BLTP3A: variants seen among roughly 807,000 people sequenced by gnomAD.
The protein encoded by BLTP3A is bridge-like lipid transfer protein family member 3A.
chr6:34,845,887 G>A, the BLTP3A span, among the ~76,000 whole-genome samples: 9 of 151,702 alleles, frequency 5.9e-5, no homozygotes, highest in African/African-American at 1.5e-4. Flanking sequence ...GTGAGCCACC[G>A]CGCCCGGCCT....
chr6:34,795,480 C>T, the BLTP3A span, among the ~76,000 whole-genome samples: 1 of 151,818 alleles, frequency 6.6e-6, no homozygotes, highest in African/African-American at 2.4e-5. Flanking sequence ...TCACTGCAAC[C>T]TCTGCCTCCT....
At chr6:34,872,208 C>A in the BLTP3A span, 5 of 1,333,586 alleles carry the variant, frequency 3.7e-6, no homozygotes, top group South Asian at 5.8e-5. Context: ...ATTGACATAA[C>A]TTGTGGATTT....
chr6:34,804,673 T>A, the BLTP3A span, among the ~76,000 whole-genome samples: 3 of 152,188 alleles, frequency 2.0e-5, no homozygotes, highest in Admixed American at 6.5e-5. Context: ...CATGGAGGCC[T>A]TTTGTACTAT....
chr6:34,795,708 A>G, the BLTP3A span, among the ~76,000 whole-genome samples: 1 of 152,126 alleles, frequency 6.6e-6, no homozygotes, highest in Non-Finnish European at 1.5e-5. Context: ...GCCTGAACAT[A>G]TAATTTTTAA....
At chr6:34,840,200 C>T in the BLTP3A span, among the ~76,000 whole-genome samples, 1 of 152,154 alleles carries the variant, frequency 6.6e-6, no homozygotes, top group Non-Finnish European at 1.5e-5. Context: ...TAAACCACCT[C>T]AATAATTATT....
chr6:34,842,642 A>G, the BLTP3A span, among the ~76,000 whole-genome samples: 5 of 149,618 alleles, frequency 3.3e-5, no homozygotes, highest in Non-Finnish European at 7.4e-5. Context: ...CAGGAGTTCT[A>G]TTTTTTTTTT....
the BLTP3A span, among the ~76,000 whole-genome samples, chr6:34,847,195 A>G: frequency 2.0e-5 from 3 of 150,512 alleles, no homozygotes; most frequent in African/African-American, 7.3e-5. Context: ...ATCAGTGTTC[A>G]TCAGGAAGAT....
the BLTP3A span, chr6:34,792,403 G>A: frequency 8.7e-7 from 1 of 1,150,976 alleles, no homozygotes; most frequent in African/African-American, 1.6e-5. Context: ...CCAGCCCGGA[G>A]CCCGGACTCC....
the BLTP3A span, among the ~76,000 whole-genome samples, chr6:34,825,748 A>T: frequency 1.3e-5 from 2 of 152,234 alleles, no homozygotes; most frequent in Non-Finnish European, 2.9e-5. Flanking sequence ...GGGAAACATA[A>T]GCAATCAGAC....
chr6:34,817,565 G>A, the BLTP3A span, among the ~76,000 whole-genome samples: 7 of 152,134 alleles, frequency 4.6e-5, no homozygotes, highest in Middle Eastern at 3.2e-3. Context: ...CCAGCAAGCA[G>A]CATAAGTATA....
the BLTP3A span, among the ~76,000 whole-genome samples, chr6:34,812,505 CTG>C: frequency 1.3e-5 from 2 of 152,268 alleles, no homozygotes; most frequent in Non-Finnish European, 1.5e-5. Flanking sequence ...AGGTCTCACT[CTG>C]TTGCTCAGGC....
At chr6:34,872,232 C>G in the BLTP3A span, 1 of 1,495,320 alleles carries the variant, frequency 6.7e-7, no homozygotes, top group Non-Finnish European at 9.0e-7. Flanking sequence ...TCCTTGAACT[C>G]TTCCTCCCTG....
At chr6:34,822,101 G>A in the BLTP3A span, 15 of 995,714 alleles carry the variant, frequency 1.5e-5, no homozygotes, top group South Asian at 2.3e-4. Context: ...GAGACAGTGT[G>A]ACTGTTGTCT....
the BLTP3A span, chr6:34,863,899 T>C: frequency 8.6e-7 from 1 of 1,169,056 alleles, no homozygotes; most frequent in Non-Finnish European, 1.2e-6. Context: ...TATTGGGAAC[T>C]TTATCCAGTT....
At chr6:34,818,937 T>C in the BLTP3A span, among the ~76,000 whole-genome samples, 1 of 152,188 alleles carries the variant, frequency 6.6e-6, no homozygotes, top group Non-Finnish European at 1.5e-5. Context: ...AAACATAGTT[T>C]AGTAAAAGGA....
chr6:34,831,427 C>A, the BLTP3A span, among the ~76,000 whole-genome samples: 1 of 152,120 alleles, frequency 6.6e-6, no homozygotes, highest in Non-Finnish European at 1.5e-5. Context: ...TGCGCCTGGC[C>A]CACCCTTAAT....
At chr6:34,858,532 A>T in the BLTP3A span, 1 of 1,614,108 alleles carries the variant, frequency 6.2e-7, no homozygotes. Context: ...CCCCCTGTCC[A>T]TTTGGGCCTG....
chr6:34,856,880 T>C, the BLTP3A span: 1 of 1,614,208 alleles, frequency 6.2e-7, no homozygotes, highest in Non-Finnish European at 8.5e-7. Flanking sequence ...TGGAACCGCT[T>C]ACGCTCTAGC....
the BLTP3A span, chr6:34,867,320 G>A: frequency 6.2e-7 from 1 of 1,614,122 alleles, no homozygotes; most frequent in East Asian, 2.2e-5. Flanking sequence ...TTATGGCCAG[G>A]GGTCACCAGC....
Sources: gnomAD v4.1 joint callset for allele counts (sites outside exome capture counted in the v4.1 genomes callset) on GRCh38, gnomAD v4.1.1 for gene constraint, MANE v1.5 for transcripts, NCBI Gene and HGNC (gene_info 2026-07-23, HGNC 2026-07-21) for gene names.